GNG2: variants seen among roughly 807,000 people sequenced by gnomAD.
The protein encoded by GNG2 is G protein subunit gamma 2, also known as guanine nucleotide-binding protein G(I)/G(S)/G(O) subunit gamma-2.
GNG2 carries 5 observed loss-of-function variants against 5.5 expected under a neutral mutation model. The ratio of observed to expected loss-of-function variants is 0.91; its 90% CI spans 0.48 to 1.92. The LOEUF (loss-of-function observed/expected upper bound fraction) is 1.92, where lower values mean the gene tolerates loss of function less well. GNG2 is among the 30% of genes most tolerant of loss of function. GNG2 has a pLI of 0.01. For missense variants in GNG2, 55 were observed against 88.4 expected (o/e 0.62, Z 1.52); for synonymous variants, 28 against 32.0 (o/e 0.88, Z 0.42).
At chr14:51,876,693 A>T (rs143349642) in intron 1 of GNG2, among the ~76,000 whole-genome samples, 1 of 151,902 alleles carries the variant, frequency 6.6e-6, no homozygotes, top group Non-Finnish European at 1.5e-5. Flanking sequence ...TATGGCCCCT[A>T]TGGTAGTCTG....
chr14:51,950,171 C>A (rs1888888974), intron 2 of GNG2, among the ~76,000 whole-genome samples: 1 of 152,186 alleles, frequency 6.6e-6, no homozygotes, highest in Non-Finnish European at 1.5e-5. Context: ...GGCAATCCCT[C>A]CCATTTGGCA....
chr14:51,946,394 G>A (rs750162280), intron 2 of GNG2, among the ~76,000 whole-genome samples: 4 of 152,078 alleles, frequency 2.6e-5, no homozygotes, highest in Admixed American at 6.6e-5. Context: ...AACATAGGAG[G>A]TAATTCAGCA....
chr14:51,873,518 C>T lies in GNG2; in HGVS notation c.-70-4099C>T, dbSNP rs1050989360. On this transcript the variant is annotated intron_variant, in intron 1 of 3. Coordinates refer to ENST00000556766, the MANE Select transcript of GNG2 (RefSeq NM_053064.5). ...TCATTCTGAGAGGGAAGTGAAGAAA[C>T]CCTGGCATCCTGCCTTTGTTATTGA... 2.0e-5 allele frequency among the ~76,000 whole-genome samples: 3 copies of T among 152,340 alleles called. No individual in the cohort carries two copies. In the South Asian group the frequency reaches 6.2e-4, roughly 32 times the overall value.
chr14:51,932,770 T>A (rs1887741853), intron 2 of GNG2, among the ~76,000 whole-genome samples: 1 of 152,122 alleles, frequency 6.6e-6, no homozygotes, highest in Non-Finnish European at 1.5e-5. Context: ...CCTGAATAAA[T>A]CTCTAAAGTA....
chr14:51,918,302 A>G (rs879856512), intron 2 of GNG2, among the ~76,000 whole-genome samples: 1 of 151,942 alleles, frequency 6.6e-6, no homozygotes, highest in Non-Finnish European at 1.5e-5. Flanking sequence ...CTTCTGGCCA[A>G]TTTTGCTTCC....
At chr14:51,932,969 G>A (rs1887754080) in intron 2 of GNG2, among the ~76,000 whole-genome samples, 2 of 152,174 alleles carry the variant, frequency 1.3e-5, no homozygotes, top group South Asian at 4.1e-4. Flanking sequence ...CAAAAGGCAA[G>A]GAAAAGGCCA....
chr14:51,827,794 A>G, exon 2 of GNG2: 1 of 694,164 alleles, frequency 1.4e-6, no homozygotes, highest in Non-Finnish European at 2.6e-6. Context: ...GAGATGGTGT[A>G]CCTTCAGGCA....
At chr14:51,915,263 A>G (rs1368895025) in intron 2 of GNG2, among the ~76,000 whole-genome samples, 1 of 152,238 alleles carries the variant, frequency 6.6e-6, no homozygotes, top group Non-Finnish European at 1.5e-5. Flanking sequence ...ACTGGTTCAT[A>G]GATAAGGATG....
At chr14:51,834,753 C>T (rs1881287652) in intron 2 of GNG2, among the ~76,000 whole-genome samples, 1 of 152,184 alleles carries the variant, frequency 6.6e-6, no homozygotes, top group African/African-American at 2.4e-5. Flanking sequence ...ATAATGCATG[C>T]AAAGTTGTTG....
chr14:51,868,414 A>G (rs977979788), intron 1 of GNG2, among the ~76,000 whole-genome samples: 4 of 152,210 alleles, frequency 2.6e-5, no homozygotes, highest in Non-Finnish European at 5.9e-5. Flanking sequence ...ATGACTTACA[A>G]TAAAAGAAAA....
intron 2 of GNG2, among the ~76,000 whole-genome samples, chr14:51,927,187 A>G (rs1052608214): frequency 8.1e-4 from 5 of 6,138 alleles, no homozygotes; most frequent in South Asian, 3.6e-3. Context: ...CCTGTTATTT[A>G]CTGTTATTTG....
chr14:51,923,573 C>CAT (rs1286554898), intron 2 of GNG2, among the ~76,000 whole-genome samples: 1 of 151,528 alleles, frequency 6.6e-6, no homozygotes, highest in Non-Finnish European at 1.5e-5. Context: ...ACAATACACA[C>CAT]ACACACACAC....
chr14:51,894,839 T>A (rs1885080705), intron 2 of GNG2, among the ~76,000 whole-genome samples: 5 of 152,134 alleles, frequency 3.3e-5, no homozygotes. Flanking sequence ...GTAAAAATAC[T>A]GTTGCTTCTG....
chr14:51,913,412 G>A (rs900395229), intron 2 of GNG2: 5 of 152,238 alleles, frequency 3.3e-5, no homozygotes, highest in Admixed American at 3.3e-4. Flanking sequence ...TACTTGGGAG[G>A]ATGAGGCAGA....
intron 2 of GNG2, among the ~76,000 whole-genome samples, chr14:51,894,374 T>C (rs909744377): frequency 1.5e-5 from 2 of 136,956 alleles, no homozygotes; most frequent in Non-Finnish European, 3.4e-5. Flanking sequence ...CTAAAACTTG[T>C]TCTCAGACTA....
intron 2 of GNG2, among the ~76,000 whole-genome samples, chr14:51,904,442 T>C (rs1044580906): frequency 7.2e-5 from 11 of 152,256 alleles, no homozygotes; most frequent in Admixed American, 6.5e-4. Flanking sequence ...ATAGGATGTG[T>C]TAGAATTCTT....
At chr14:51,935,991 A>G (rs370255094) in intron 2 of GNG2, among the ~76,000 whole-genome samples, 335 of 152,302 alleles carry the variant, frequency 2.2e-3, no homozygotes, top group Middle Eastern at 0.014. Flanking sequence ...ATAAATTTGC[A>G]GAGGAGCCAT....
chr14:51,853,487 G>A (rs1882008029), intron 2 of GNG2, among the ~76,000 whole-genome samples: 1 of 152,172 alleles, frequency 6.6e-6, no homozygotes, highest in Non-Finnish European at 1.5e-5. Flanking sequence ...GTAAATTTAT[G>A]AAAACCCCTT....
intron 2 of GNG2, among the ~76,000 whole-genome samples, chr14:51,887,130 G>A (rs1884514017): frequency 1.3e-5 from 2 of 152,150 alleles, no homozygotes; most frequent in African/African-American, 2.4e-5. Context: ...GGTGAAAGAT[G>A]ATCTGGAGGA....
Sources: gnomAD v4.1 joint callset for allele counts (sites outside exome capture counted in the v4.1 genomes callset) on GRCh38, gnomAD v4.1.1 for gene constraint, MANE v1.5 for transcripts, NCBI Gene and HGNC (gene_info 2026-07-23, HGNC 2026-07-21) for gene names.